The following QTMAN variants were observed in gnomAD, a reference collection of about 807,000 sequenced individuals.
QTMAN encodes the protein tRNA-queuosine alpha-mannosyltransferase.
the QTMAN span, chr2:143,940,475 TGTCA>T: frequency 1.3e-5 from 2 of 152,262 alleles, no homozygotes; most frequent in Admixed American, 6.5e-5. Flanking sequence ...ATTAAGGATG[TGTCA>T]GTGTTTCCCT....
chr2:143,940,285 C>T, the QTMAN span: 2 of 152,212 alleles, frequency 1.3e-5, no homozygotes, highest in Non-Finnish European at 2.9e-5. Context: ...CTATGAGCAG[C>T]TCTGTTTCTC....
the QTMAN span, among the ~76,000 whole-genome samples, chr2:144,151,200 T>C: frequency 1.3e-5 from 2 of 152,178 alleles, no homozygotes; most frequent in Admixed American, 6.5e-5. Context: ...TTGCATACTT[T>C]CATTTCTTGC....
At chr2:143,993,158 T>C in the QTMAN span, among the ~76,000 whole-genome samples, 2 of 152,206 alleles carry the variant, frequency 1.3e-5, no homozygotes, top group South Asian at 2.1e-4. Context: ...ATTTGATTAA[T>C]AGGTACTGTA....
chr2:144,182,625 C>G, the QTMAN span, among the ~76,000 whole-genome samples: 1 of 110,170 alleles, frequency 9.1e-6, no homozygotes. Flanking sequence ...GGCTGGACAA[C>G]ACAGTGAGAC....
At chr2:144,125,360 G>A in the QTMAN span, among the ~76,000 whole-genome samples, 91 of 152,088 alleles carry the variant, frequency 6.0e-4, no homozygotes, top group African/African-American at 2.1e-3. Flanking sequence ...AAGAATCAGA[G>A]CTTCTCTTCT....
At chr2:144,317,638 A>G in the QTMAN span, 2 of 152,338 alleles carry the variant, frequency 1.3e-5, no homozygotes, top group East Asian at 1.9e-4. Flanking sequence ...CCAAATCCCA[A>G]TGTTTTGTCA....
At chr2:144,181,479 C>T in the QTMAN span, among the ~76,000 whole-genome samples, 1 of 152,098 alleles carries the variant, frequency 6.6e-6, no homozygotes, top group African/African-American at 2.4e-5. Context: ...CTAATAAGCT[C>T]AATGTTCTTA....
At chr2:144,191,454 T>C in the QTMAN span, among the ~76,000 whole-genome samples, 3 of 152,188 alleles carry the variant, frequency 2.0e-5, no homozygotes, top group East Asian at 3.8e-4. Flanking sequence ...TGCAAAGCAA[T>C]TGCTGAATAA....
chr2:144,300,611 A>G, the QTMAN span, among the ~76,000 whole-genome samples: 2 of 152,196 alleles, frequency 1.3e-5, no homozygotes, highest in South Asian at 4.1e-4. Context: ...TAAACTAAAA[A>G]CAGTGTCAAA....
chr2:144,258,124 G>A, the QTMAN span, among the ~76,000 whole-genome samples: 9 of 150,590 alleles, frequency 6.0e-5, no homozygotes, highest in South Asian at 1.9e-3. Flanking sequence ...AGAAGGGACA[G>A]GCATTAAAAA....
chr2:143,955,938 A>G, the QTMAN span, among the ~76,000 whole-genome samples: 1 of 152,176 alleles, frequency 6.6e-6, no homozygotes, highest in Admixed American at 6.5e-5. Flanking sequence ...CACTAAGTAA[A>G]TGAGCCAGCG....
At chr2:144,142,912 C>T in the QTMAN span, among the ~76,000 whole-genome samples, 1 of 152,004 alleles carries the variant, frequency 6.6e-6, no homozygotes, top group Middle Eastern at 3.4e-3. Flanking sequence ...AATATATATT[C>T]AATTGAAACC....
the QTMAN span, among the ~76,000 whole-genome samples, chr2:144,049,925 C>T: frequency 6.6e-6 from 1 of 152,012 alleles, no homozygotes; most frequent in African/African-American, 2.4e-5. Context: ...ATAGCAGGCA[C>T]ATAGTAAGTT....
the QTMAN span, among the ~76,000 whole-genome samples, chr2:144,252,572 TAAC>T: frequency 6.6e-6 from 1 of 151,966 alleles, no homozygotes; most frequent in East Asian, 1.9e-4. Flanking sequence ...TCCAAAACAA[TAAC>T]AACTGACAAC....
chr2:144,175,510 C>T, the QTMAN span, among the ~76,000 whole-genome samples: 2 of 152,158 alleles, frequency 1.3e-5, no homozygotes, highest in African/African-American at 4.8e-5. Context: ...CCACCACTAT[C>T]CCTACCCTCC....
the QTMAN span, among the ~76,000 whole-genome samples, chr2:144,116,210 T>C: frequency 6.7e-6 from 1 of 149,454 alleles, no homozygotes; most frequent in South Asian, 2.1e-4. Flanking sequence ...TATTTGCTTA[T>C]ATATTAGTCA....
At chr2:144,134,232 G>A in the QTMAN span, among the ~76,000 whole-genome samples, 12 of 152,196 alleles carry the variant, frequency 7.9e-5, no homozygotes, top group South Asian at 2.3e-3. Flanking sequence ...GCCCTTAGGC[G>A]CCTCGCCTTT....
chr2:144,066,627 T>C, the QTMAN span, among the ~76,000 whole-genome samples: 1 of 152,068 alleles, frequency 6.6e-6, no homozygotes, highest in Non-Finnish European at 1.5e-5. Context: ...ACCAGCCTGG[T>C]CAACATAATG....
the QTMAN span, among the ~76,000 whole-genome samples, chr2:144,161,181 T>A: frequency 6.6e-6 from 1 of 152,194 alleles, no homozygotes. Context: ...GCTGGGATCC[T>A]TCATTACTTC....
Sources: gnomAD v4.1 joint callset for allele counts (sites outside exome capture counted in the v4.1 genomes callset) on GRCh38, gnomAD v4.1.1 for gene constraint, MANE v1.5 for transcripts, NCBI Gene and HGNC (gene_info 2026-07-23, HGNC 2026-07-21) for gene names.